Variants in UNC79 observed in about 807,000 individuals in gnomAD.
UNC79 encodes the protein unc-79 subunit of NALCN channel complex.
A neutral mutation model predicts 283.1 loss-of-function variants in UNC79; 37 were observed. That is an observed-to-expected ratio of 0.13 (90% confidence interval 0.10 to 0.17). The LOEUF (loss-of-function observed/expected upper bound fraction) is 0.17, where lower values mean the gene tolerates loss of function less well. Among genes scored for constraint, UNC79 ranks in the 10% least tolerant of loss-of-function variants. The pLI, the probability that UNC79 is intolerant of heterozygous loss-of-function variation, is 1.00. For synonymous variants in UNC79, 1,107 were observed against 1,200.2 expected (o/e 0.92, Z 1.61); for missense variants, 2,272 against 3,211.1 (o/e 0.71, Z 7.07).
In UNC79 at chr14:93,597,280, A is replaced by G. The variant is rs962715614; in HGVS notation, c.3191-79A>G. 68 of 1,471,772 alleles carry G rather than the reference A, an allele frequency of 4.6e-5. No individual in the cohort carries two copies. The East Asian group carries it at 1.5e-3, about 32-fold the overall frequency. The allele number at this position is 1,471,772 out of a possible 1,614,324, so 91.2% of individuals were successfully genotyped here. ...TTTTGTCTGTGAGTTCAGTTCTCAG[A>G]CTGGCTAAATAAATGTGTATGCGTG... is the stretch of plus-strand genomic sequence containing the variant. On this transcript the variant is annotated intron_variant, in intron 23 of 48. Coordinates refer to ENST00000555664, the Ensembl canonical transcript of UNC79.
At chr14:93,698,077 T>C (rs1704640421) in intron 47 of UNC79, among the ~76,000 whole-genome samples, 1 of 152,248 alleles carries the variant, frequency 6.6e-6, no homozygotes, top group African/African-American at 2.4e-5. Flanking sequence ...GTAGTTCTAA[T>C]GTATCAGAGA....
At chr14:93,610,799 C>A (rs2066247703) in intron 26 of UNC79, among the ~76,000 whole-genome samples, 1 of 151,936 alleles carries the variant, frequency 6.6e-6, no homozygotes, top group Non-Finnish European at 1.5e-5. Flanking sequence ...TTGGTAGAGA[C>A]CAGGTCTTGT....
intron 18 of UNC79, among the ~76,000 whole-genome samples, chr14:93,579,739 T>C (rs1461037817): frequency 1.3e-5 from 2 of 152,202 alleles, no homozygotes; most frequent in African/African-American, 4.8e-5. Flanking sequence ...GCCCCAGCCC[T>C]GGAATTCAGC....
chr14:93,555,042 C>T (rs2062090631), intron 14 of UNC79, among the ~76,000 whole-genome samples: 1 of 152,138 alleles, frequency 6.6e-6, no homozygotes, highest in Admixed American at 6.5e-5. Flanking sequence ...AAACAGTTAT[C>T]AAAAGTCATA....
chr14:93,683,182 C>T (rs965543595), intron 42 of UNC79, among the ~76,000 whole-genome samples: 1 of 151,636 alleles, frequency 6.6e-6, no homozygotes, highest in Non-Finnish European at 1.5e-5. Context: ...TTCTATGAGA[C>T]AAAAATCCCA....
exon 35 of UNC79, chr14:93,646,618 A>G (rs753552109): frequency 1.2e-6 from 2 of 1,613,896 alleles, no homozygotes; most frequent in South Asian, 1.1e-5. Context: ...ATTGGCATCC[A>G]GTACTACCTT....
Position 93,691,855 on chromosome 14 carries a change from A to G in UNC79, c.7379A>G (p.Asn2460Ser), listed in dbSNP as rs200738469. ...GTCGCTACAAATCTCCAAAATCAGA[A>G]TGAATTCAGCTTCACGGCGATACTG... is the stretch of plus-strand genomic sequence containing the variant. Residue 2460 changes from asparagine to serine, a missense_variant, in exon 46 of 49, where the codon AAT becomes AGT. Asn to Ser is a conservative substitution (Grantham distance 46, BLOSUM62 1). This residue lies in a region of UNC79 where 225 missense variants were observed against 334.2 expected (regional missense o/e 0.67). Coordinates refer to ENST00000555664, the Ensembl canonical transcript of UNC79. The G allele has an allele frequency of 5.0e-5, 81 of 1,614,072 alleles. No individual in the cohort carries two copies. The highest frequency in any genetic ancestry group is 2.5e-4 in the Admixed American group (15 of 60,004).
intron 20 of UNC79, among the ~76,000 whole-genome samples, chr14:93,585,251 G>A (rs763213797): frequency 7.2e-4 from 109 of 152,034 alleles, no homozygotes; most frequent in Non-Finnish European, 1.2e-3. Context: ...CTGCTCTGCA[G>A]GCCTTAAGAC....
chr14:93,396,004 G>A (rs900556691), intron 1 of UNC79, among the ~76,000 whole-genome samples: 6 of 151,980 alleles, frequency 3.9e-5, no homozygotes, highest in Non-Finnish European at 7.4e-5. Context: ...TCTCCTTCTA[G>A]GACTCTTATT....
chr14:93,515,264 A>ATGTGTGTGTG lies in UNC79; in HGVS notation c.899-8696_899-8687dup, dbSNP rs3060596. Among the ~76,000 whole-genome samples the ATGTGTGTGTG allele has an allele frequency of 4.5e-3, 680 of 149,764 alleles. 2 individuals are homozygous for ATGTGTGTGTG. Among genetic ancestry groups the ATGTGTGTGTG allele is most frequent in the African/African-American group, 0.016 (649 of 40,774 alleles). ...GAATTTCCATTTGGTCCATATGTAT[A>ATGTGTGTGTG]TGTGTGTGTGTGTGTGTGTGTGTGT... On this transcript the variant is annotated intron_variant, in intron 7 of 48. Transcript: ENST00000555664.
chr14:93,482,660 C>T (rs959468078), intron 4 of UNC79, among the ~76,000 whole-genome samples: 4 of 152,134 alleles, frequency 2.6e-5, no homozygotes, highest in African/African-American at 7.2e-5. Context: ...TACCTTCACC[C>T]TTTAGACAAG....
At chr14:93,352,734 A>G (rs903821387) in intron 1 of UNC79, among the ~76,000 whole-genome samples, 2 of 152,086 alleles carry the variant, frequency 1.3e-5, no homozygotes, top group African/African-American at 4.8e-5. Context: ...AACTTATTTT[A>G]TGTCTGTTTC....
intron 1 of UNC79, among the ~76,000 whole-genome samples, chr14:93,360,257 C>G (rs555017752): frequency 6.6e-6 from 1 of 152,250 alleles, no homozygotes; most frequent in South Asian, 2.1e-4. Flanking sequence ...AGAGCTGCCT[C>G]TACCTAGGAA....
In UNC79 at chr14:93,561,501, C is replaced by G. The variant is rs111861029; in HGVS notation, c.1756-10393C>G. Among the ~76,000 whole-genome samples the G allele has an allele frequency of 9.2e-3, 1,390 of 151,826 alleles. 14 individuals are homozygous for G. The highest frequency in any genetic ancestry group is 0.028 in the African/African-American group (1,171 of 41,374). ...GATGTTTCCCAGCCTGTATATAAGA[C>G]GGGGGCAGCTGTGTAGGCGCAGGAG... is the stretch of plus-strand genomic sequence containing the variant. On this transcript the variant is annotated intron_variant, in intron 14 of 48. Coordinates refer to ENST00000555664, the Ensembl canonical transcript of UNC79.
At chr14:93,622,170 A>G in exon 30 of UNC79, 1 of 1,614,144 alleles carries the variant, frequency 6.2e-7, no homozygotes, top group Non-Finnish European at 8.5e-7. Flanking sequence ...GTCGAGAGTG[A>G]CGAAGAAGAG....
At chr14:93,653,323 A>ATATG (rs1555391895) in intron 35 of UNC79, among the ~76,000 whole-genome samples, 1 of 22,258 alleles carries the variant, frequency 4.5e-5, no homozygotes, top group Non-Finnish European at 1.8e-4. Context: ...CTCTCACTGC[A>ATATG]TATATATATA....
chr14:93,387,252 A>G (rs1434078348), intron 1 of UNC79, among the ~76,000 whole-genome samples: 2 of 151,716 alleles, frequency 1.3e-5, no homozygotes, highest in Admixed American at 6.6e-5. Context: ...CTCTGCTCTG[A>G]TCTTTATTGT....
intron 1 of UNC79, among the ~76,000 whole-genome samples, chr14:93,358,701 G>A (rs1392727640): frequency 6.6e-6 from 1 of 152,158 alleles, no homozygotes; most frequent in Non-Finnish European, 1.5e-5. Context: ...CCCATTCCCA[G>A]TAGTGGCAAC....
chr14:93,601,818 C>T (rs1450738760), intron 25 of UNC79, among the ~76,000 whole-genome samples: 1 of 152,126 alleles, frequency 6.6e-6, no homozygotes, highest in Non-Finnish European at 1.5e-5. Flanking sequence ...GGTGGTATCT[C>T]ATTGTGGTTT....
Sources: gnomAD v4.1 joint callset for allele counts (sites outside exome capture counted in the v4.1 genomes callset) on GRCh38, gnomAD v4.1.1 for gene constraint, gnomAD v4.1.1 regional missense constraint, MANE v1.5 for transcripts, NCBI Gene and HGNC (gene_info 2026-07-23, HGNC 2026-07-21) for gene names.